The following OR7C1 variants were observed in gnomAD, a reference collection of about 807,000 sequenced individuals.
OR7C1 encodes the protein olfactory receptor 7C1.
For missense variants in OR7C1, 324 were observed against 383.3 expected (o/e 0.85, Z 1.29); for synonymous variants, 152 against 160.7 (o/e 0.95, Z 0.41).
chr19:14,832,060 C>T (rs925846836), intron 1 of OR7C1, among the ~76,000 whole-genome samples: 1 of 152,106 alleles, frequency 6.6e-6, no homozygotes, highest in Admixed American at 6.5e-5. Flanking sequence ...AGGCATGTGT[C>T]ACCATACCTA....
At chr19:14,817,683 C>T (rs1272227763) in intron 1 of OR7C1, among the ~76,000 whole-genome samples, 3 of 152,144 alleles carry the variant, frequency 2.0e-5, no homozygotes, top group Non-Finnish European at 2.9e-5. Context: ...TGTTTGTTTG[C>T]TTAGTTGACT....
At chr19:14,814,570 C>A (rs981822349) in intron 1 of OR7C1, among the ~76,000 whole-genome samples, 4 of 152,018 alleles carry the variant, frequency 2.6e-5, no homozygotes, top group African/African-American at 7.2e-5. Flanking sequence ...ATTAAAGGCA[C>A]CCACCACCAT....
intron 2 of OR7C1, among the ~76,000 whole-genome samples, chr19:14,806,602 T>C (rs556115010): frequency 6.6e-6 from 1 of 152,098 alleles, no homozygotes; most frequent in East Asian, 1.9e-4. Context: ...TTCTCATTGT[T>C]CAGATCCCAC....
chr19:14,815,735 G>T (rs2044712785), intron 1 of OR7C1, among the ~76,000 whole-genome samples: 1 of 152,050 alleles, frequency 6.6e-6, no homozygotes, highest in Non-Finnish European at 1.5e-5. Context: ...GCTTTTTGAT[G>T]ATCCTAAGGA....
chr19:14,822,533 C>T (rs941589598), intron 1 of OR7C1, among the ~76,000 whole-genome samples: 6 of 151,638 alleles, frequency 4.0e-5, no homozygotes, highest in Admixed American at 1.3e-4. Flanking sequence ...TACAGGTGCC[C>T]GCCACTGCGC....
intron 2 of OR7C1, among the ~76,000 whole-genome samples, chr19:14,809,322 G>A (rs895916685): frequency 6.6e-6 from 1 of 151,938 alleles, no homozygotes; most frequent in African/African-American, 2.4e-5. Context: ...AGTTGAAATA[G>A]AGCCGAATCC....
intron 1 of OR7C1, among the ~76,000 whole-genome samples, chr19:14,813,387 C>G (rs1224267274): frequency 6.6e-6 from 1 of 151,752 alleles, no homozygotes; most frequent in Non-Finnish European, 1.5e-5. Context: ...AACCCTGTCT[C>G]TACTAAAAAT....
chr19:14,802,972 G>T (rs533656859), intron 2 of OR7C1, among the ~76,000 whole-genome samples: 1 of 152,128 alleles, frequency 6.6e-6, no homozygotes, highest in Non-Finnish European at 1.5e-5. Flanking sequence ...GGATTTTATA[G>T]ACTGGCTTGA....
chr19:14,799,799 A>G (rs2044631301), exon 5 of OR7C1: 1 of 1,613,980 alleles, frequency 6.2e-7, no homozygotes, highest in Non-Finnish European at 8.5e-7. Context: ...GGTCAAGAGT[A>G]AATTGTCCAG....
chr19:14,829,666 G>A (rs1229212157), intron 1 of OR7C1, among the ~76,000 whole-genome samples: 1 of 152,226 alleles, frequency 6.6e-6, no homozygotes, highest in Non-Finnish European at 1.5e-5. Flanking sequence ...TCTAGATGCT[G>A]TTGCACCTGC....
chr19:14,814,904 A>G (rs960600768), intron 1 of OR7C1, among the ~76,000 whole-genome samples: 15 of 152,172 alleles, frequency 9.9e-5, no homozygotes, highest in South Asian at 4.1e-4. Context: ...AGACCATGAG[A>G]CTGGCAGAAC....
intron 1 of OR7C1, among the ~76,000 whole-genome samples, chr19:14,818,018 A>G (rs1179168686): frequency 6.6e-6 from 1 of 152,046 alleles, no homozygotes; most frequent in Non-Finnish European, 1.5e-5. Context: ...TTATTTGCAA[A>G]TGCTACCTTG....
chr19:14,817,964 T>C (rs1047840414), intron 1 of OR7C1, among the ~76,000 whole-genome samples: 6 of 152,150 alleles, frequency 3.9e-5, no homozygotes, highest in Non-Finnish European at 8.8e-5. Flanking sequence ...TTGGGTGTAT[T>C]TTGAGTATGT....
At chr19:14,813,461 A>C (rs1457747011) in intron 1 of OR7C1, among the ~76,000 whole-genome samples, 2 of 152,124 alleles carry the variant, frequency 1.3e-5, no homozygotes, top group African/African-American at 4.8e-5. Flanking sequence ...AGGCTGAGGC[A>C]GGAGAATGGC....
chr19:14,798,538 T>C (rs912142648), exon 5 of OR7C1: 2 of 152,204 alleles, frequency 1.3e-5, no homozygotes, highest in African/African-American at 2.4e-5. Flanking sequence ...AGAAGTTTAA[T>C]AGGTGAGAGA....
intron 1 of OR7C1, among the ~76,000 whole-genome samples, chr19:14,815,364 T>C (rs1294009689): frequency 6.6e-6 from 1 of 152,238 alleles, no homozygotes; most frequent in Non-Finnish European, 1.5e-5. Flanking sequence ...TGAGTGTTTG[T>C]TTCATACACA....
chr19:14,830,126 G>A (rs1169041795), intron 1 of OR7C1, among the ~76,000 whole-genome samples: 2 of 152,168 alleles, frequency 1.3e-5, no homozygotes, highest in East Asian at 1.9e-4. Flanking sequence ...GCCTCCCAAA[G>A]TGCTGGAATT....
intron 2 of OR7C1, among the ~76,000 whole-genome samples, chr19:14,802,787 G>C (rs1378694513): frequency 6.6e-6 from 1 of 152,198 alleles, no homozygotes. Context: ...TGGGAATGTA[G>C]AGGTGAAGCT....
At chr19:14,815,866 G>A (rs1291460552) in intron 1 of OR7C1, among the ~76,000 whole-genome samples, 1 of 151,652 alleles carries the variant, frequency 6.6e-6, no homozygotes, top group Non-Finnish European at 1.5e-5. Flanking sequence ...CTGTTGCCCA[G>A]GCAGGCGTAC....
Sources: gnomAD v4.1 joint callset for allele counts (sites outside exome capture counted in the v4.1 genomes callset) on GRCh38, gnomAD v4.1.1 for gene constraint, MANE v1.5 for transcripts, NCBI Gene and HGNC (gene_info 2026-07-23, HGNC 2026-07-21) for gene names.